Variants in PATJ observed in about 807,000 individuals in gnomAD.
PATJ encodes the protein inaD-like protein.
PATJ carries 190 observed loss-of-function variants against 224.9 expected under a neutral mutation model. The observed-to-expected ratio is 0.84, with a 90% CI of 0.75 to 0.95. The LOEUF (loss-of-function observed/expected upper bound fraction) is 0.95, where lower values mean the gene tolerates loss of function less well. Ranked by LOEUF, PATJ falls within the 40% of genes least tolerant of loss-of-function variation. PATJ has a pLI of 0.00. For synonymous variants in PATJ, 769 were observed against 820.3 expected (o/e 0.94, Z 1.07); for missense variants, 2,121 against 2,270.3 (o/e 0.93, Z 1.34).
At chr1:61,867,535 T>C (rs1050835900) in intron 20 of PATJ, among the ~76,000 whole-genome samples, 1 of 46,148 alleles carries the variant, frequency 2.2e-5, no homozygotes, top group Non-Finnish European at 4.7e-5. Context: ...TAATATTTAC[T>C]CTGGAAGTTT....
In PATJ at chr1:61,950,501, G is replaced by T. The variant is rs535273456; in HGVS notation, c.3670+22672G>T. On this transcript the variant is annotated intron_variant, in intron 27 of 43. Transcript: ENST00000642238. ...CAAACTTGTAATAAAGATTTATTGA[G>T]CAACTAGTAGTTCTTTTGGTTTAAA... Among the ~76,000 whole-genome samples, 4 of 152,288 alleles carry T rather than the reference G, an allele frequency of 2.6e-5. No individual in the cohort carries two copies. The South Asian group carries it at 8.3e-4, about 32-fold the overall frequency.
At chr1:62,138,959 T>C (rs1350333241) in intron 41 of PATJ, among the ~76,000 whole-genome samples, 1 of 152,150 alleles carries the variant, frequency 6.6e-6, no homozygotes, top group Admixed American at 6.6e-5. Flanking sequence ...CATGTATTCA[T>C]ATCTGCCTCC....
chr1:62,050,479 G>C (rs1354720784), intron 30 of PATJ, among the ~76,000 whole-genome samples: 1 of 152,192 alleles, frequency 6.6e-6, no homozygotes, highest in Non-Finnish European at 1.5e-5. Context: ...CCTAAGGCTG[G>C]TTCCCTCATT....
chr1:62,134,204 CT>C (rs71050201), intron 41 of PATJ, among the ~76,000 whole-genome samples: 8,652 of 123,946 alleles, frequency 0.07, 272 homozygotes, highest in South Asian at 0.16. Context: ...GTACTCTCGT[CT>C]TTTTTTTTTT....
chr1:61,809,652 G>T (rs1036950842), intron 14 of PATJ, among the ~76,000 whole-genome samples: 2 of 152,000 alleles, frequency 1.3e-5, no homozygotes, highest in South Asian at 2.1e-4. Context: ...CTCCCAAAGT[G>T]CTGGGATTAC....
intron 27 of PATJ, among the ~76,000 whole-genome samples, chr1:61,943,907 A>T (rs1678239624): frequency 1.3e-5 from 2 of 152,194 alleles, no homozygotes; most frequent in Non-Finnish European, 2.9e-5. Flanking sequence ...AGGATCAGGC[A>T]GCAACATCTG....
intron 17 of PATJ, among the ~76,000 whole-genome samples, chr1:61,845,108 G>A (rs1025360688): frequency 3.3e-5 from 5 of 152,130 alleles, no homozygotes; most frequent in African/African-American, 4.8e-5. Flanking sequence ...GGGGGTCTTC[G>A]AACGTATTCC....
At chr1:62,013,320 A>G (rs1429027230) in intron 28 of PATJ, 1 of 985,084 alleles carries the variant, frequency 1.0e-6, no homozygotes, top group Non-Finnish European at 1.2e-6. Context: ...TGCTGATCAA[A>G]ACCATTTTTT....
At chr1:61,770,251 G>A (rs1646522829) in intron 5 of PATJ, among the ~76,000 whole-genome samples, 1 of 152,158 alleles carries the variant, frequency 6.6e-6, no homozygotes, top group African/African-American at 2.4e-5. Context: ...TTCAAGAACT[G>A]TAGTGAGAAT....
At chr1:62,082,975 A>C (rs993164276) in intron 32 of PATJ, among the ~76,000 whole-genome samples, 1 of 152,216 alleles carries the variant, frequency 6.6e-6, no homozygotes, top group Non-Finnish European at 1.5e-5. Flanking sequence ...ATAATGTAAG[A>C]AACAATACTC....
At chr1:62,132,587 T>C (rs913778238) in intron 41 of PATJ, among the ~76,000 whole-genome samples, 2 of 152,086 alleles carry the variant, frequency 1.3e-5, no homozygotes, top group African/African-American at 2.4e-5. Context: ...TTAAATACTA[T>C]AGAATCATTT....
At chr1:61,928,019 A>G (rs1189969711) in intron 27 of PATJ, among the ~76,000 whole-genome samples, 190 bp downstream of exon 27, 1 of 152,180 alleles carries the variant, frequency 6.6e-6, no homozygotes, top group African/African-American at 2.4e-5. Flanking sequence ...GGACACTGAG[A>G]AAGGGAATAT....
In PATJ at chr1:62,073,625, G is replaced by A. The variant is rs989174706; in HGVS notation, c.4126-5825G>A. Among the ~76,000 whole-genome samples, 5 of 151,672 alleles carry A rather than the reference G, an allele frequency of 3.3e-5. No homozygotes were observed. In the East Asian group the frequency reaches 5.8e-4, roughly 18 times the overall value. On this transcript the variant is annotated intron_variant, in intron 31 of 43. Coordinates refer to ENST00000642238, the MANE Select transcript of PATJ (RefSeq NM_001350145.3). ...TCCAGCCTGGGTGACAGAGTGAGACGCTGTCTTTAAATAAATAAATAAATA... is the reference window on the plus strand; with the variant it reads ...TCCAGCCTGGGTGACAGAGTGAGACACTGTCTTTAAATAAATAAATAAATA...
At chr1:62,041,224 C>G (rs984836949) in intron 30 of PATJ, among the ~76,000 whole-genome samples, 2 of 152,176 alleles carry the variant, frequency 1.3e-5, no homozygotes, top group African/African-American at 2.4e-5. Flanking sequence ...CCTTTGCTCT[C>G]CCTGATTCAG....
chr1:61,997,680 A>T (rs888337615), intron 28 of PATJ, among the ~76,000 whole-genome samples: 1 of 152,120 alleles, frequency 6.6e-6, no homozygotes, highest in African/African-American at 2.4e-5. Context: ...TTTAGTAGAT[A>T]AAGATTAATG....
intron 31 of PATJ, among the ~76,000 whole-genome samples, chr1:62,067,854 G>A (rs774691149): frequency 1.3e-5 from 2 of 152,246 alleles, no homozygotes; most frequent in Non-Finnish European, 2.9e-5. Context: ...CAGCTGGAGT[G>A]CAGTGGCACG....
At chr1:62,053,644 GGGAGAT>G (rs970221378) in intron 31 of PATJ, among the ~76,000 whole-genome samples, 18 of 152,188 alleles carry the variant, frequency 1.2e-4, no homozygotes, top group Admixed American at 5.9e-4. Context: ...GCTTGAACCT[GGGAGAT>G]GGAGGTTGCA....
intron 27 of PATJ, among the ~76,000 whole-genome samples, chr1:61,983,509 A>G (rs1179315138): frequency 6.6e-6 from 1 of 152,122 alleles, no homozygotes; most frequent in African/African-American, 2.4e-5. Flanking sequence ...TACTTCTTTT[A>G]ACTGAAGGGA....
chr1:61,860,549 C>T (rs1400210147), intron 18 of PATJ, among the ~76,000 whole-genome samples: 2 of 151,868 alleles, frequency 1.3e-5, no homozygotes, highest in South Asian at 2.1e-4. Context: ...ATTGGCTGTA[C>T]GCGGTGGCTC....
Sources: allele counts gnomAD v4.1 joint callset (sites outside exome capture counted in the v4.1 genomes callset), GRCh38; gene constraint gnomAD v4.1.1; transcripts MANE v1.5; gene names NCBI Gene and HGNC (gene_info 2026-07-23, HGNC 2026-07-21).